Variants in SMARCA2 observed in about 807,000 individuals in gnomAD.
SMARCA2 encodes SWI/SNF related BAF chromatin remodeling complex subunit ATPase 2.
In SMARCA2, 61 loss-of-function variants were observed where a neutral mutation model predicts 199.8. The ratio of observed to expected loss-of-function variants is 0.31; its 90% CI spans 0.25 to 0.38. SMARCA2 has a LOEUF of 0.38. Among genes scored for constraint, SMARCA2 ranks in the 10% least tolerant of loss-of-function variants. The probability of loss-of-function intolerance (pLI) is 1.00; values close to 1 mark genes in which losing one functional copy is unlikely to be tolerated. For missense variants in SMARCA2, 1,344 were observed against 2,012.2 expected, an observed-to-expected ratio of 0.67 and a Z score of 6.35; for synonymous variants, 935 against 732.0, an observed-to-expected ratio of 1.28 and a Z score of -4.48.
chr9:2,019,312 T>C (rs1474819552), intron 1 of SMARCA2, among the ~76,000 whole-genome samples: 1 of 152,188 alleles, frequency 6.6e-6, no homozygotes, highest in Admixed American at 6.5e-5. Flanking sequence ...TTATGACTTA[T>C]ATCAGTAACA....
intron 27 of SMARCA2, among the ~76,000 whole-genome samples, chr9:2,147,954 C>A (rs1308185716): frequency 6.6e-6 from 1 of 151,584 alleles, no homozygotes; most frequent in Non-Finnish European, 1.5e-5. Context: ...GCACCTCAGC[C>A]TCCCAGAGTG....
At chr9:2,185,889 T>A (rs964193721) in intron 31 of SMARCA2, among the ~76,000 whole-genome samples, 2 of 152,256 alleles carry the variant, frequency 1.3e-5, no homozygotes, top group African/African-American at 4.8e-5. Context: ...TGAAATAATT[T>A]CAACTGCATT....
intron 23 of SMARCA2, among the ~76,000 whole-genome samples, chr9:2,105,941 C>T (rs1356044290): frequency 1.3e-5 from 2 of 152,214 alleles, no homozygotes; most frequent in African/African-American, 2.4e-5. Context: ...AAGTGACTTC[C>T]TGGAAACAAA....
chr9:2,159,728 C>G (rs527582221), intron 27 of SMARCA2: 24 of 1,510,724 alleles, frequency 1.6e-5, no homozygotes, highest in Non-Finnish European at 2.0e-5. Flanking sequence ...ATCCACAATC[C>G]TTTCAGTATT....
intron 32 of SMARCA2, among the ~76,000 whole-genome samples, chr9:2,187,892 A>G (rs1259554331): frequency 6.6e-6 from 1 of 152,072 alleles, no homozygotes; most frequent in African/African-American, 2.4e-5. Context: ...AAGCCTGATC[A>G]ATATATTCAT....
chr9:2,166,531 T>C (rs1825937314), intron 28 of SMARCA2, among the ~76,000 whole-genome samples: 1 of 152,244 alleles, frequency 6.6e-6, no homozygotes, highest in South Asian at 2.1e-4. Context: ...ATTGTATTCT[T>C]ATCCCTGTGT....
intron 3 of SMARCA2, among the ~76,000 whole-genome samples, chr9:2,033,973 CT>C (rs1296551958): frequency 1.3e-5 from 2 of 152,234 alleles, no homozygotes; most frequent in Non-Finnish European, 2.9e-5. Context: ...CAGGCCGGGC[CT>C]GGTGGCTGAA....
chr9:2,107,100 G>A (rs1822785984), intron 23 of SMARCA2, among the ~76,000 whole-genome samples: 1 of 151,726 alleles, frequency 6.6e-6, no homozygotes, highest in African/African-American at 2.4e-5. Context: ...TAAAAATTTT[G>A]TTAAATTTAA....
chr9:2,176,665 C>T (rs796098028), intron 29 of SMARCA2, among the ~76,000 whole-genome samples: 11 of 152,228 alleles, frequency 7.2e-5, no homozygotes, highest in African/African-American at 2.4e-4. Flanking sequence ...GATCCTCCCA[C>T]CTCAGCCTCC....
Position 2,047,311 on chromosome 9 carries a change from CCCCGCAGCCGCGCAGCCG to C in SMARCA2, c.879_896del (p.Gln296_Ala301del), listed in dbSNP as rs1246500736. 9.8e-7 allele frequency: 1 copy of C among 1,018,640 alleles called. No homozygotes were observed. The highest frequency in any genetic ancestry group is 1.2e-6 in the Non-Finnish European group (1 of 847,388). 63.1% of individuals were successfully genotyped at this position (1,018,640 alleles called of 1,614,324 possible). ...CCGGCGGCCGGCCCTCGCCCGCGCCCCCCGCAGCCGCGCAGCCGCCCGCGGCCGCAGTGCCCGGGCCCT... is the reference window on the plus strand; with the variant it reads ...CCGGCGGCCGGCCCTCGCCCGCGCCCCCCGCGGCCGCAGTGCCCGGGCCCT... On this transcript the variant is annotated inframe_deletion, in exon 5 of 34. Coordinates refer to ENST00000349721, the MANE Select transcript of SMARCA2 (RefSeq NM_003070.5).
rs1554646789 is a variant in SMARCA2, at chr9:2,192,697, C to T, written c.4738-7C>T. 6.3e-7 allele frequency: 1 copy of T among 1,597,946 alleles called. No individual in the cohort carries two copies. Among genetic ancestry groups the T allele is most frequent in the Non-Finnish European group, 8.6e-7 (1 of 1,165,454 alleles). On this transcript the variant is annotated splice_region_variant and splice_polypyrimidine_tract_variant and intron_variant, in intron 33 of 33. Transcript: ENST00000349721. Reference sequence around the variant, plus strand: ...ACTTCATTTTATCTTCTTATTTTTACTTTTAGGAACAGTCAGAAGGAAGTG... The same window carrying T: ...ACTTCATTTTATCTTCTTATTTTTATTTTTAGGAACAGTCAGAAGGAAGTG...
chr9:2,139,918 T>C (rs1824384952), intron 27 of SMARCA2, among the ~76,000 whole-genome samples: 2 of 152,224 alleles, frequency 1.3e-5, no homozygotes, highest in Admixed American at 6.5e-5. Context: ...AGGGCTATTA[T>C]CATCCTTGCA....
intron 33 of SMARCA2, chr9:2,192,458 G>C (rs965757336): frequency 6.5e-5 from 33 of 503,908 alleles, no homozygotes; most frequent in Non-Finnish European, 9.8e-5. Flanking sequence ...TCAAGCCAAA[G>C]TGAAAGGGCA....
chr9:2,016,177 T>G lies in SMARCA2; in HGVS notation c.-37+773T>G, dbSNP rs1818346351. On this transcript the variant is annotated intron_variant, in intron 1 of 33. Transcript: ENST00000349721. The surrounding 1 kb of genome is among the most constrained non-coding windows in gnomAD (Gnocchi z 5.6). ...CTGATCGGAGGTGTCACCTCCACTT[T>G]CCGCGTTTCCTCCGGCGTGGATGGG... 1 of 152,330 alleles carries G rather than the reference T, an allele frequency of 6.6e-6. No individual in the cohort carries two copies. Among genetic ancestry groups the G allele is most frequent in the African/African-American group, 2.4e-5 (1 of 41,446 alleles). The allele number at this position is 152,330 out of a possible 1,614,324, so 9.4% of individuals were successfully genotyped here. A position where few individuals can be genotyped will look rare whatever the true frequency, so the allele number is the denominator to read the frequency against.
intron 25 of SMARCA2, among the ~76,000 whole-genome samples, chr9:2,118,728 CAG>C (rs1383526244): frequency 6.6e-6 from 1 of 152,144 alleles, no homozygotes. Flanking sequence ...GAGGAATTAG[CAG>C]AGAGATAATG....
intron 27 of SMARCA2, among the ~76,000 whole-genome samples, chr9:2,156,801 A>G (rs1236377570): frequency 6.6e-6 from 1 of 152,182 alleles, no homozygotes; most frequent in East Asian, 1.9e-4. Flanking sequence ...ACCATCACCA[A>G]CATCCCATCT....
intron 27 of SMARCA2, among the ~76,000 whole-genome samples, chr9:2,155,986 A>G (rs1825340241): frequency 6.6e-6 from 1 of 152,046 alleles, no homozygotes; most frequent in Non-Finnish European, 1.5e-5. Flanking sequence ...CAGTCGGAGG[A>G]AAAAAACTAT....
intron 5 of SMARCA2, among the ~76,000 whole-genome samples, chr9:2,053,328 T>TA (rs1254742736): frequency 6.6e-6 from 1 of 152,226 alleles, no homozygotes; most frequent in Non-Finnish European, 1.5e-5. Flanking sequence ...TGGCTGTGCA[T>TA]AATTTTTAAC....
intron 27 of SMARCA2, among the ~76,000 whole-genome samples, chr9:2,124,978 C>T (rs955153872): frequency 3.9e-5 from 6 of 152,088 alleles, no homozygotes; most frequent in Non-Finnish European, 8.8e-5. Context: ...GGGAGTTGTT[C>T]GTTTTATCCA....
Sources: allele counts gnomAD v4.1 joint callset (sites outside exome capture counted in the v4.1 genomes callset), GRCh38; gene constraint gnomAD v4.1.1; non-coding constraint Gnocchi (gnomAD v3.1); transcripts MANE v1.5; gene names NCBI Gene and HGNC (gene_info 2026-07-23, HGNC 2026-07-21).